The following NCAM2 variants were observed in gnomAD, a reference collection of about 807,000 sequenced individuals.
NCAM2 encodes neural cell adhesion molecule 2.
A neutral mutation model predicts 98.1 loss-of-function variants in NCAM2; 30 were observed. The observed-to-expected ratio is 0.31, with a 90% CI of 0.23 to 0.41. NCAM2 has a LOEUF of 0.41. Among genes scored for constraint, NCAM2 ranks in the 10% least tolerant of loss-of-function variants. The probability of loss-of-function intolerance (pLI) is 1.00; values close to 1 mark genes in which losing one functional copy is unlikely to be tolerated. For synonymous variants in NCAM2, 368 were observed against 342.4 expected, an observed-to-expected ratio of 1.07 and a Z score of -0.83; for missense variants, 867 against 1,005.8, an observed-to-expected ratio of 0.86 and a Z score of 1.87.
At chr21:21,318,743 G>A (rs979017293) in intron 5 of NCAM2, among the ~76,000 whole-genome samples, 2 of 152,096 alleles carry the variant, frequency 1.3e-5, no homozygotes, top group Non-Finnish European at 2.9e-5. Context: ...AACAAATGCT[G>A]TAATAGATAT....
intron 1 of NCAM2, among the ~76,000 whole-genome samples, chr21:21,163,791 A>T (rs2067864390): frequency 2.0e-5 from 3 of 152,326 alleles, no homozygotes; most frequent in Admixed American, 2.0e-4. Context: ...AGATAAACAA[A>T]TTGAAGTGAG....
intron 1 of NCAM2, among the ~76,000 whole-genome samples, chr21:21,215,817 T>C (rs979360902): frequency 1.3e-5 from 2 of 152,038 alleles, no homozygotes; most frequent in Non-Finnish European, 2.9e-5. Flanking sequence ...TGTTGTAAGG[T>C]GTTTGATGAA....
intron 1 of NCAM2, among the ~76,000 whole-genome samples, chr21:21,117,763 A>C (rs986671596): frequency 1.3e-5 from 2 of 152,092 alleles, no homozygotes; most frequent in Non-Finnish European, 2.9e-5. Context: ...GTGATTCTGC[A>C]CTTATGTGTA....
intron 1 of NCAM2, among the ~76,000 whole-genome samples, chr21:21,077,815 T>A (rs2065710508): frequency 6.6e-6 from 1 of 152,142 alleles, no homozygotes. Flanking sequence ...AGTATATTCA[T>A]TTATTGGCAC....
chr21:21,443,616 A>G (rs1039922741), intron 12 of NCAM2, among the ~76,000 whole-genome samples: 1 of 152,118 alleles, frequency 6.6e-6, no homozygotes, highest in Non-Finnish European at 1.5e-5. Context: ...CATACCAGAT[A>G]TGAAGCTTCT....
At chr21:21,073,659 T>C (rs1310271086) in intron 1 of NCAM2, among the ~76,000 whole-genome samples, 3 of 152,196 alleles carry the variant, frequency 2.0e-5, no homozygotes, top group Non-Finnish European at 2.9e-5. Flanking sequence ...TCACTGTACC[T>C]TTAACATACC....
intron 16 of NCAM2, among the ~76,000 whole-genome samples, chr21:21,530,106 T>A (rs900322395): frequency 1.4e-5 from 2 of 142,132 alleles, no homozygotes; most frequent in East Asian, 2.0e-4. Context: ...TAATTATATA[T>A]AATTTAATTT....
intron 1 of NCAM2, among the ~76,000 whole-genome samples, chr21:21,262,722 C>A (rs2071964776): frequency 6.7e-6 from 1 of 148,820 alleles, no homozygotes. Context: ...TGTATTAGTC[C>A]ATTTTCACAC....
chr21:21,070,287 A>G (rs2065534026), intron 1 of NCAM2, among the ~76,000 whole-genome samples: 1 of 148,884 alleles, frequency 6.7e-6, no homozygotes, highest in Non-Finnish European at 1.5e-5. Flanking sequence ...ATATATATAT[A>G]ATCTAATATG....
At chr21:21,372,590 G>A (rs901335075) in intron 8 of NCAM2, among the ~76,000 whole-genome samples, 2 of 151,920 alleles carry the variant, frequency 1.3e-5, no homozygotes, top group Non-Finnish European at 2.9e-5. Flanking sequence ...AGCACAAAGA[G>A]ACATGTCCTT....
At chr21:21,130,622 CTTAAT>C (rs2066914601) in intron 1 of NCAM2, among the ~76,000 whole-genome samples, 1 of 152,058 alleles carries the variant, frequency 6.6e-6, no homozygotes, top group Non-Finnish European at 1.5e-5. Flanking sequence ...TTTATATTAA[CTTAAT>C]TTGACATTTT....
At chr21:21,041,953 T>G (rs1265750976) in intron 1 of NCAM2, among the ~76,000 whole-genome samples, 1 of 152,168 alleles carries the variant, frequency 6.6e-6, no homozygotes, top group Non-Finnish European at 1.5e-5. Flanking sequence ...TGGAGAAATA[T>G]GGACACAATA....
intron 1 of NCAM2, among the ~76,000 whole-genome samples, chr21:21,259,323 C>A (rs2071801547): frequency 6.6e-6 from 1 of 152,182 alleles, no homozygotes; most frequent in African/African-American, 2.4e-5. Context: ...TCCACAGCCA[C>A]ACTGTGGCCA....
At chr21:21,034,063 A>G (rs542139996) in intron 1 of NCAM2, among the ~76,000 whole-genome samples, 61 of 146,470 alleles carry the variant, frequency 4.2e-4, no homozygotes, top group East Asian at 1.1e-3. Context: ...GGGGGGGGGG[A>G]AACAAAGATT....
chr21:21,335,200 T>A (rs1022216206), intron 6 of NCAM2, among the ~76,000 whole-genome samples: 1 of 151,626 alleles, frequency 6.6e-6, no homozygotes, highest in East Asian at 1.9e-4. Flanking sequence ...AAACAAAATG[T>A]TTTTTTTGCC....
chr21:21,292,412 C>T lies in NCAM2; in HGVS notation c.619+171C>T, dbSNP rs7275226. On this transcript the variant is annotated intron_variant, in intron 5 of 17. Transcript: ENST00000400546. Reference sequence around the variant, plus strand: ...CATCTGTAACATTGTATTACAGCCTCAAGGCAGGATCCATGACTTATGTTA... The same window carrying T: ...CATCTGTAACATTGTATTACAGCCTTAAGGCAGGATCCATGACTTATGTTA... 1.5e-3 allele frequency among the ~76,000 whole-genome samples: 230 copies of T among 151,974 alleles called. 2 individuals are homozygous for T. The highest frequency in any genetic ancestry group is 5.4e-3 in the African/African-American group (223 of 41,500).
At chr21:21,219,781 A>G (rs1601682325) in intron 1 of NCAM2, among the ~76,000 whole-genome samples, 1 of 152,320 alleles carries the variant, frequency 6.6e-6, no homozygotes, top group East Asian at 1.9e-4. Flanking sequence ...TTACCATAGG[A>G]GATGAAAGCT....
intron 1 of NCAM2, among the ~76,000 whole-genome samples, chr21:21,236,884 C>T (rs2826745): frequency 0.49 from 74,841 of 151,862 alleles, 19,017 homozygotes; most frequent in South Asian, 0.59. Flanking sequence ...TTAAGCACTT[C>T]GGCAGAGTTG....
At chr21:21,489,560 C>A (rs1291085800) in intron 15 of NCAM2, among the ~76,000 whole-genome samples, 2 of 151,942 alleles carry the variant, frequency 1.3e-5, no homozygotes, top group East Asian at 1.9e-4. Flanking sequence ...AAAATACTAA[C>A]CTTTGTGGTA....
Sources: gnomAD v4.1 joint callset for allele counts (sites outside exome capture counted in the v4.1 genomes callset) on GRCh38, gnomAD v4.1.1 for gene constraint, MANE v1.5 for transcripts, NCBI Gene and HGNC (gene_info 2026-07-23, HGNC 2026-07-21) for gene names.